The following PTER variants were observed in gnomAD, a reference collection of about 807,000 sequenced individuals.
PTER encodes the protein phosphotriesterase related, also known as N-acetyltaurine hydrolase.
PTER carries 38 observed loss-of-function variants against 29.6 expected under a neutral mutation model. The ratio of observed to expected loss-of-function variants is 1.28; its 90% CI spans 0.99 to 1.68. The LOEUF (loss-of-function observed/expected upper bound fraction) is 1.68, where lower values mean the gene tolerates loss of function less well. Ranked by LOEUF, PTER falls within the 40% of genes most tolerant of loss-of-function variation. The pLI is 0.00. For missense variants in PTER, 482 were observed against 427.8 expected, an observed-to-expected ratio of 1.13 and a Z score of -1.12; for synonymous variants, 172 against 154.5, an observed-to-expected ratio of 1.11 and a Z score of -0.84.
chr10:16,518,041 A>G (rs1836980895), downstream of PTER, among the ~76,000 whole-genome samples: 1 of 152,240 alleles, frequency 6.6e-6, no homozygotes, highest in Non-Finnish European at 1.5e-5. Flanking sequence ...CACTTAATCC[A>G]TAGAACATTA....
intron 4 of PTER, among the ~76,000 whole-genome samples, chr10:16,508,229 C>T (rs561974059): frequency 1.8e-4 from 27 of 151,930 alleles, no homozygotes; most frequent in Middle Eastern, 3.4e-3. Flanking sequence ...CCACCACGCC[C>T]GGCTAATTTT....
intron 1 of PTER, among the ~76,000 whole-genome samples, chr10:16,453,100 C>A (rs747406804): frequency 6.6e-6 from 1 of 151,766 alleles, no homozygotes; most frequent in Non-Finnish European, 1.5e-5. Flanking sequence ...ATATGTTGTC[C>A]AGGTGGGGTC....
chr10:16,444,045 A>T (rs1833935641), intron 1 of PTER, among the ~76,000 whole-genome samples: 1 of 144,996 alleles, frequency 6.9e-6, no homozygotes, highest in South Asian at 2.2e-4. Flanking sequence ...CTCTGTTGCC[A>T]TGCTGGAGTG....
chr10:16,459,348 G>A (rs1049767866), intron 1 of PTER, among the ~76,000 whole-genome samples: 1 of 152,194 alleles, frequency 6.6e-6, no homozygotes, highest in Non-Finnish European at 1.5e-5. Context: ...GCATATATCA[G>A]TTACAGGGTG....
chr10:16,517,371 C>T (rs771423174), downstream of PTER, among the ~76,000 whole-genome samples: 1 of 152,148 alleles, frequency 6.6e-6, no homozygotes, highest in South Asian at 2.1e-4. Flanking sequence ...TCATGGGCAT[C>T]GGTGCCATAA....
At chr10:16,477,032 A>G (rs1208807367) in intron 1 of PTER, among the ~76,000 whole-genome samples, 1 of 151,772 alleles carries the variant, frequency 6.6e-6, no homozygotes, top group African/African-American at 2.4e-5. Flanking sequence ...CAGCCTCTCA[A>G]GTAGCTGGGA....
At chr10:16,460,451 A>G (rs1012918717) in intron 1 of PTER, among the ~76,000 whole-genome samples, 5 of 152,220 alleles carry the variant, frequency 3.3e-5, no homozygotes, top group African/African-American at 1.2e-4. Flanking sequence ...AATGATCTCC[A>G]TAGTTTATTC....
At chr10:16,501,753 A>G (rs1301715215) in intron 3 of PTER, among the ~76,000 whole-genome samples, 2 of 152,230 alleles carry the variant, frequency 1.3e-5, no homozygotes, top group Non-Finnish European at 2.9e-5. Flanking sequence ...AGGAGAAGCC[A>G]TACAGTATGG....
At chr10:16,505,210 G>C (rs1226006684) in intron 4 of PTER, 50 bp downstream of exon 4, 8 of 1,595,864 alleles carry the variant, frequency 5.0e-6, no homozygotes, top group Non-Finnish European at 6.8e-6. Flanking sequence ...AGCCCTTTTT[G>C]ATTGTCATAT....
At chr10:16,464,376 A>G (rs985518140) in intron 1 of PTER, among the ~76,000 whole-genome samples, 2 of 152,172 alleles carry the variant, frequency 1.3e-5, no homozygotes, top group African/African-American at 4.8e-5. Flanking sequence ...TGCTGGTTTT[A>G]CTCAACTTTG....
intron 1 of PTER, among the ~76,000 whole-genome samples, chr10:16,461,313 C>T (rs557824708): frequency 6.6e-6 from 1 of 151,332 alleles, no homozygotes; most frequent in Admixed American, 6.6e-5. Flanking sequence ...TAATTAAATT[C>T]CTTTATATTT....
chr10:16,494,369 AC>A (rs1352521725), intron 3 of PTER, among the ~76,000 whole-genome samples: 2 of 152,070 alleles, frequency 1.3e-5, no homozygotes, highest in East Asian at 3.9e-4. Flanking sequence ...GGGTGACGTC[AC>A]TCCTTCCTTA....
At chr10:16,518,757 T>C in the PTER span, among the ~76,000 whole-genome samples, 1 of 152,182 alleles carries the variant, frequency 6.6e-6, no homozygotes, top group African/African-American at 2.4e-5. Context: ...AAATCATCTC[T>C]TCAGCCCGAT....
rs777184652 is a variant in PTER at position 16,486,565 on chromosome 10, T to A, written c.646T>A (p.Leu216Met). Residue 216 changes from leucine to methionine, a missense_variant, in exon 3 of 5, where the codon TTG becomes ATG. By Grantham distance (15) the Leu-to-Met change is conservative. Coordinates refer to ENST00000535784, the MANE Select transcript of PTER (RefSeq NM_001261836.2). Reference sequence around the variant, plus strand: ...GGCACCATTTCAGATTATCCGAATATTGCAAGAAGCAGGCGCAGACATCTC... The same window carrying A: ...GGCACCATTTCAGATTATCCGAATAATGCAAGAAGCAGGCGCAGACATCTC... ...SRAPFQIIRI[L>M]QEAGADISKT... is the part of the protein sequence containing the mutation. 15 of 1,613,878 alleles carry A rather than the reference T, an allele frequency of 9.3e-6. No homozygotes were observed. In the Admixed American group the frequency reaches 2.5e-4, roughly 27 times the overall value.
chr10:16,498,213 T>G (rs1466894886), intron 3 of PTER, among the ~76,000 whole-genome samples: 1 of 152,184 alleles, frequency 6.6e-6, no homozygotes, highest in Non-Finnish European at 1.5e-5. Flanking sequence ...CACTGACTTT[T>G]CAGGGGAAGA....
Position 16,513,318 on chromosome 10 carries a change from T to C in PTER, c.*2062T>C, listed in dbSNP as rs759213631. The C allele has an allele frequency of 1.3e-5, 2 of 152,614 alleles. No homozygotes were observed. Among genetic ancestry groups the C allele is most frequent in the Non-Finnish European group, 2.9e-5 (2 of 67,998 alleles). 9.5% of individuals were successfully genotyped at this position (152,614 alleles called of 1,614,324 possible). ...GTTAAATAATTTGTGCATGTTTGTG[T>C]GTGTATATATGCATACACTTTTTTA... is the stretch of plus-strand genomic sequence containing the variant. On this transcript the variant is annotated 3_prime_UTR_variant, in exon 5 of 5. Coordinates refer to ENST00000535784, the MANE Select transcript of PTER (RefSeq NM_001261836.2).
chr10:16,496,316 G>C (rs1368388185), intron 3 of PTER, among the ~76,000 whole-genome samples: 1 of 152,134 alleles, frequency 6.6e-6, no homozygotes, highest in African/African-American at 2.4e-5. Flanking sequence ...CTTTGCCTCA[G>C]GCACAAAATC....
At chr10:16,464,854 G>A (rs1337115251) in intron 1 of PTER, among the ~76,000 whole-genome samples, 1 of 152,166 alleles carries the variant, frequency 6.6e-6, no homozygotes, top group African/African-American at 2.4e-5. Flanking sequence ...ATAAAGAAAG[G>A]AGGTTTAATT....
At chr10:16,505,191 C>T (rs1465890759) in intron 4 of PTER, 31 bp downstream of exon 4, 1 of 1,610,166 alleles carries the variant, frequency 6.2e-7, no homozygotes, top group South Asian at 1.1e-5. Context: ...CATAGCATTC[C>T]CTTTCCCTAG....
Sources: gnomAD v4.1 joint callset for allele counts (sites outside exome capture counted in the v4.1 genomes callset) on GRCh38, gnomAD v4.1.1 for gene constraint, MANE v1.5 for transcripts, NCBI Gene and HGNC (gene_info 2026-07-23, HGNC 2026-07-21) for gene names.